HORMAD2: variants seen among roughly 807,000 people sequenced by gnomAD.
HORMAD2 encodes the protein HORMA domain containing 2.
In HORMAD2, 45 loss-of-function variants were observed where a neutral mutation model predicts 38.8. The ratio of observed to expected loss-of-function variants is 1.16; its 90% confidence interval spans 0.91 to 1.49. The LOEUF (loss-of-function observed/expected upper bound fraction) is 1.49. Ranked by LOEUF, HORMAD2 falls within the 40% of genes most tolerant of loss-of-function variation. HORMAD2 has a pLI of 0.00. For synonymous variants in HORMAD2, 126 were observed against 122.8 expected (o/e 1.03, Z -0.17); for missense variants, 338 against 367.0 (o/e 0.92, Z 0.65).
At chr22:30,187,114 C>T in the HORMAD2 span, among the ~76,000 whole-genome samples, 1 of 152,156 alleles carries the variant, frequency 6.6e-6, no homozygotes, top group Non-Finnish European at 1.5e-5. Context: ...AAGTAGCATT[C>T]TAGAGAAAAT....
At chr22:30,141,761 A>T (rs1266362400) in intron 10 of HORMAD2, among the ~76,000 whole-genome samples, 1 of 151,676 alleles carries the variant, frequency 6.6e-6, no homozygotes, top group African/African-American at 2.4e-5. Flanking sequence ...CCCCCGGCTA[A>T]TTTTTTTGTA....
the HORMAD2 span, among the ~76,000 whole-genome samples, chr22:30,194,379 C>G: frequency 6.6e-6 from 1 of 152,268 alleles, no homozygotes; most frequent in East Asian, 1.9e-4. Context: ...TCCAGGGTGA[C>G]ATGATAACTG....
the HORMAD2 span, among the ~76,000 whole-genome samples, chr22:30,190,318 G>A: frequency 5.7e-3 from 869 of 152,290 alleles, 8 homozygotes; most frequent in African/African-American, 0.02. Flanking sequence ...TGCAGTTCAA[G>A]TACATTTCAT....
chr22:30,150,188 C>T (rs1201875474), intron 10 of HORMAD2, among the ~76,000 whole-genome samples: 1 of 152,134 alleles, frequency 6.6e-6, no homozygotes, highest in East Asian at 1.9e-4. Context: ...ATTCCCTGTT[C>T]AGGTATTCGA....
intron 10 of HORMAD2, among the ~76,000 whole-genome samples, chr22:30,152,189 G>C (rs1924792656): frequency 6.6e-6 from 1 of 151,530 alleles, no homozygotes; most frequent in South Asian, 2.1e-4. Flanking sequence ...CATTCTTCTT[G>C]GTCTATTTTT....
intron 1 of HORMAD2, among the ~76,000 whole-genome samples, chr22:30,089,855 A>C (rs2068650273): frequency 6.6e-6 from 1 of 152,106 alleles, no homozygotes; most frequent in Non-Finnish European, 1.5e-5. Context: ...CGTGAACAGA[A>C]ACTCTATACC....
At chr22:30,198,896 A>C in the HORMAD2 span, among the ~76,000 whole-genome samples, 2 of 152,248 alleles carry the variant, frequency 1.3e-5, no homozygotes, top group East Asian at 1.9e-4. Context: ...ATCCAGTGGC[A>C]CATGACTGCT....
chr22:30,128,190 T>G (rs930990962), intron 10 of HORMAD2, among the ~76,000 whole-genome samples: 4 of 152,236 alleles, frequency 2.6e-5, no homozygotes, highest in African/African-American at 7.2e-5. Flanking sequence ...AAGAATTTTC[T>G]CTTTACAAAT....
At chr22:30,192,035 C>T in the HORMAD2 span, 2 of 152,352 alleles carry the variant, frequency 1.3e-5, no homozygotes, top group Non-Finnish European at 1.5e-5. Flanking sequence ...ACCACATCAT[C>T]TAGCCCTTGA....
chr22:30,091,674 A>G (rs1210433990), intron 1 of HORMAD2, among the ~76,000 whole-genome samples: 2 of 152,100 alleles, frequency 1.3e-5, no homozygotes, highest in African/African-American at 2.4e-5. Flanking sequence ...TCTCTTCCAT[A>G]TACTGATTTC....
chr22:30,151,903 G>T (rs901244215), intron 10 of HORMAD2, among the ~76,000 whole-genome samples: 1 of 152,188 alleles, frequency 6.6e-6, no homozygotes, highest in Non-Finnish European at 1.5e-5. Flanking sequence ...CTTTGAAATT[G>T]TCAGAGTAAG....
chr22:30,184,490 A>G, the HORMAD2 span, among the ~76,000 whole-genome samples: 1 of 152,190 alleles, frequency 6.6e-6, no homozygotes, highest in African/African-American at 2.4e-5. Context: ...ATCATCTTCT[A>G]TTTGAGGCCT....
chr22:30,083,403 C>G (rs1013907296), intron 1 of HORMAD2, among the ~76,000 whole-genome samples: 2 of 152,170 alleles, frequency 1.3e-5, no homozygotes, highest in African/African-American at 4.8e-5. Context: ...TATGAAATCT[C>G]TTCTAGGTTT....
At chr22:30,194,724 G>C in the HORMAD2 span, among the ~76,000 whole-genome samples, 1 of 152,322 alleles carries the variant, frequency 6.6e-6, no homozygotes, top group South Asian at 2.1e-4. Flanking sequence ...TCAGTTTGGA[G>C]TGTATCCTGG....
chr22:30,139,500 G>A (rs1301930976), intron 10 of HORMAD2, among the ~76,000 whole-genome samples: 2 of 151,174 alleles, frequency 1.3e-5, no homozygotes, highest in Admixed American at 6.6e-5. Context: ...TTTTTTAGAG[G>A]ATTCCTGAGG....
intron 10 of HORMAD2, among the ~76,000 whole-genome samples, chr22:30,125,211 C>CTTTTTTT (rs1569099734): frequency 4.3e-5 from 2 of 46,566 alleles, no homozygotes; most frequent in Non-Finnish European, 8.4e-5. Flanking sequence ...CTTTCTTTTT[C>CTTTTTTT]TTTTCTTTTT....
At position 30,121,665 on chromosome 22, in the gene HORMAD2, A is replaced by G; in HGVS notation, c.444A>G (p.Thr148=). The change falls in exon 9 of 11, where the codon ACA becomes ACG. Residue 148 remains threonine, a synonymous_variant. Coordinates refer to ENST00000336726, the MANE Select transcript of HORMAD2 (RefSeq NM_152510.4). ...GCAGTACAAGCTTTGAAAGTGGAACAAACAATGAAGATATTAAGAAAGCCA... is the reference window on the plus strand; with the variant it reads ...GCAGTACAAGCTTTGAAAGTGGAACGAACAATGAAGATATTAAGAAAGCCA... The part of the protein sequence containing the change: ...HSSSTSFESG[T]NNEDIKKASV... 1 of 1,603,132 alleles carries G rather than the reference A, an allele frequency of 6.2e-7. No individual in the cohort carries two copies. Among genetic ancestry groups the G allele is most frequent in the Non-Finnish European group, 8.5e-7 (1 of 1,174,416 alleles).
chr22:30,127,144 T>A (rs1422753809), intron 10 of HORMAD2, among the ~76,000 whole-genome samples: 1 of 151,762 alleles, frequency 6.6e-6, no homozygotes, highest in African/African-American at 2.4e-5. Context: ...ATTGTGAATA[T>A]CTTCTTCAAC....
rs1925243660 is a variant in HORMAD2 at position 30,158,595 on chromosome 22, T to TTTGTCCCTCCCTCCCTTTG, written c.820-17467_820-17466insTGTCCCTCCCTCCCTTTGT. 1.8e-4 allele frequency among the ~76,000 whole-genome samples: 17 copies of TTTGTCCCTCCCTCCCTTTG among 96,068 alleles called. No individual in the cohort carries two copies. The Admixed American group carries it at 2.1e-3, about 12-fold the overall frequency. 63.0% of individuals were successfully genotyped at this position (96,068 alleles called of 152,430 possible). On this transcript the variant is annotated intron_variant, in intron 10 of 10. Coordinates refer to ENST00000336726, the MANE Select transcript of HORMAD2 (RefSeq NM_152510.4). ...TCCCCTTCCCCTTCTCCTTCCTTCC[T>TTTGTCCCTCCCTCCCTTTG]TCCCTCCCTCCCTCCGTCCCTCCCT...
Sources: allele counts gnomAD v4.1 joint callset (sites outside exome capture counted in the v4.1 genomes callset), GRCh38; gene constraint gnomAD v4.1.1; transcripts MANE v1.5; gene names NCBI Gene and HGNC (gene_info 2026-07-23, HGNC 2026-07-21).